The following ZNF676 variants were observed in gnomAD, a reference collection of about 807,000 sequenced individuals.
ZNF676 encodes zinc finger protein 676.
ZNF676 carries 4 observed loss-of-function variants against 6.0 expected under a neutral mutation model. The observed-to-expected ratio is 0.67, with a 90% CI of 0.33 to 1.53. The LOEUF is 1.53. ZNF676 is among the 40% of genes most tolerant of loss of function. The probability of loss-of-function intolerance (pLI) is 0.06; values close to 1 mark genes in which losing one functional copy is unlikely to be tolerated. For synonymous variants in ZNF676, 198 were observed against 223.1 expected (o/e 0.89, Z 1.00); for missense variants, 644 against 679.7 (o/e 0.95, Z 0.58).
chr19:22,197,120 C>T (rs374518720), upstream of ZNF676, among the ~76,000 whole-genome samples: 18 of 151,940 alleles, frequency 1.2e-4, no homozygotes, highest in East Asian at 1.6e-3. Context: ...GTTGGGAGTT[C>T]GAGACCAGCC....
At chr19:22,212,001 C>T (rs763724677) in intron 1 of ZNF676, among the ~76,000 whole-genome samples, 1 of 139,770 alleles carries the variant, frequency 7.2e-6, no homozygotes, top group Non-Finnish European at 1.6e-5. Flanking sequence ...AAATCAAGAC[C>T]ATCCTGGCTA....
At chr19:22,219,659 ATT>A (rs916018890), upstream of ZNF676, among the ~76,000 whole-genome samples, 1 of 143,892 alleles carries the variant, frequency 6.9e-6, no homozygotes, top group African/African-American at 2.5e-5. Flanking sequence ...TCACAGATAG[ATT>A]TTTTTTTTTT....
At chr19:22,248,352 A>C in the ZNF676 span, among the ~76,000 whole-genome samples, 1 of 152,252 alleles carries the variant, frequency 6.6e-6, no homozygotes, top group East Asian at 1.9e-4. Context: ...ACTAGTTTAC[A>C]GTCCCACCAA....
At chr19:22,217,377 A>G (rs549120122), upstream of ZNF676, among the ~76,000 whole-genome samples, 1 of 151,714 alleles carries the variant, frequency 6.6e-6, no homozygotes, top group East Asian at 2.0e-4. Context: ...CTAATTTTGT[A>G]GTTTTAGTAG....
chr19:22,182,593 A>AAAAAAACAAAAAAAAAC (rs1555773385), intron 2 of ZNF676, among the ~76,000 whole-genome samples: 1 of 90,930 alleles, frequency 1.1e-5, no homozygotes, highest in African/African-American at 4.5e-5. Context: ...TCTAAAAAAA[A>AAAAAAACAAAAAAAAAC]AAAAAAAAAG....
chr19:22,247,660 C>T, the ZNF676 span, among the ~76,000 whole-genome samples: 1 of 152,060 alleles, frequency 6.6e-6, no homozygotes, highest in African/African-American at 2.4e-5. Context: ...TGGCTCATGC[C>T]TGTAATCCCA....
At chr19:22,198,016 C>T (rs1009766378), upstream of ZNF676, among the ~76,000 whole-genome samples, 1 of 152,150 alleles carries the variant, frequency 6.6e-6, no homozygotes, top group African/African-American at 2.4e-5. Context: ...AGTATTTCTT[C>T]AGCACTGAGA....
At chr19:22,184,672 G>A (rs528139900) in intron 2 of ZNF676, among the ~76,000 whole-genome samples, 2 of 151,998 alleles carry the variant, frequency 1.3e-5, no homozygotes, top group African/African-American at 4.8e-5. Flanking sequence ...GGAAGCTCGA[G>A]CTTGGTGGGG....
At chr19:22,240,242 G>A in the ZNF676 span, among the ~76,000 whole-genome samples, 1 of 149,880 alleles carries the variant, frequency 6.7e-6, no homozygotes, top group Non-Finnish European at 1.5e-5. Context: ...CCTGTGTGCT[G>A]GACCCTGTGA....
chr19:22,182,585 T>TAAAAA (rs67699215), intron 2 of ZNF676, among the ~76,000 whole-genome samples: 1 of 45,064 alleles, frequency 2.2e-5, no homozygotes, highest in Non-Finnish European at 3.8e-5. Flanking sequence ...GTCAAAGTTC[T>TAAAAA]AAAAAAAAAA....
chr19:22,232,647 T>G, the ZNF676 span, among the ~76,000 whole-genome samples: 1 of 152,128 alleles, frequency 6.6e-6, no homozygotes, highest in Non-Finnish European at 1.5e-5. Flanking sequence ...AACATTCTGC[T>G]TGATAGACCA....
In ZNF676 at chr19:22,180,207, G is replaced by A. The variant is rs760711315; in HGVS notation, c.1510C>T (p.Arg504Cys). Residue 504 changes from arginine (R) to cysteine (C), a missense_variant, in exon 3 of 3, where the codon CGC becomes TGC. Arg to Cys is a radical substitution (Grantham distance 180, BLOSUM62 -3). Transcript: ENST00000397121. ...TTGCCACATTCTTCACATTTGTAGC[G>A]TTTCTCTCCAGTATGAATTATCTTA... ...KHKIIHTGEKRYKCEECGKAF... is the reference protein window; with the variant it reads ...KHKIIHTGEKCYKCEECGKAF... The A allele has an allele frequency of 1.7e-5, 28 of 1,613,610 alleles. No individual in the cohort carries two copies. The highest frequency in any genetic ancestry group is 6.7e-5 in the African/African-American group (5 of 74,896).
Position 22,180,241 on chromosome 19 carries a change from A to G in ZNF676, c.1476T>C (p.Leu492=). 1 of 1,613,346 alleles carries G rather than the reference A, an allele frequency of 6.2e-7. No homozygotes were observed. The highest frequency in any genetic ancestry group is 8.5e-7 in the Non-Finnish European group (1 of 1,179,778). The change falls in exon 3 of 3, where the codon CTT becomes CTC. Residue 492 remains leucine (L), a synonymous_variant. Transcript: ENST00000397121. ...CGKGFSTFSI[L]TKHKIIHTGE... ...CAGTATGAATTATCTTATGTTTAGT[A>G]AGGATTGAGAACGTACTAAAGCCTT...
intron 1 of ZNF676, among the ~76,000 whole-genome samples, chr19:22,206,333 G>A (rs1270964880): frequency 6.6e-6 from 1 of 152,050 alleles, no homozygotes; most frequent in East Asian, 1.9e-4. Flanking sequence ...AGATAAAACA[G>A]AAAAAGGCAA....
At chr19:22,184,679 G>C (rs998629272) in intron 2 of ZNF676, among the ~76,000 whole-genome samples, 1 of 151,920 alleles carries the variant, frequency 6.6e-6, no homozygotes, top group East Asian at 2.0e-4. Context: ...CGAGCTTGGT[G>C]GGGGAAGGGC....
chr19:22,222,907 T>A, the ZNF676 span, among the ~76,000 whole-genome samples: 1 of 152,206 alleles, frequency 6.6e-6, no homozygotes, highest in Non-Finnish European at 1.5e-5. Flanking sequence ...ATGGTGGGGC[T>A]TACATCAGGA....
At chr19:22,237,033 C>T in the ZNF676 span, among the ~76,000 whole-genome samples, 3 of 152,184 alleles carry the variant, frequency 2.0e-5, no homozygotes, top group Non-Finnish European at 4.4e-5. Context: ...TTACAAGGTT[C>T]TTTAAAGATT....
intron 2 of ZNF676, 41 bp downstream of exon 2, chr19:22,192,975 T>C (rs1420352755): frequency 2.5e-5 from 39 of 1,570,780 alleles, no homozygotes; most frequent in Non-Finnish European, 3.4e-5. Context: ...TCATTGACTT[T>C]GGACTTCTCA....
At chr19:22,194,595 T>G (rs2023947490) in intron 1 of ZNF676, among the ~76,000 whole-genome samples, 1 of 152,052 alleles carries the variant, frequency 6.6e-6, no homozygotes. Context: ...TACAATGCGG[T>G]GCTCCCCACC....
Sources: gnomAD v4.1 joint callset for allele counts (sites outside exome capture counted in the v4.1 genomes callset) on GRCh38, gnomAD v4.1.1 for gene constraint, MANE v1.5 for transcripts, NCBI Gene and HGNC (gene_info 2026-07-23, HGNC 2026-07-21) for gene names.